TNRC18: variants seen among roughly 807,000 people sequenced by gnomAD.
The protein encoded by TNRC18 is trinucleotide repeat-containing gene 18 protein.
TNRC18 carries 69 observed loss-of-function variants against 226.7 expected under a neutral mutation model. The ratio of observed to expected loss-of-function variants is 0.30; its 90% confidence interval spans 0.25 to 0.37. The LOEUF is 0.37. Among genes scored for constraint, TNRC18 ranks in the 10% least tolerant of loss-of-function variants. The pLI, the probability that TNRC18 is intolerant of heterozygous loss-of-function variation, is 1.00. For missense variants in TNRC18, 4,754 were observed against 4,256.6 expected (o/e 1.12, Z -3.25); for synonymous variants, 2,449 against 1,927.6 (o/e 1.27, Z -7.09).
At chr7:5,316,216 G>A (rs1033798376) in intron 24 of TNRC18, 144 bp from the exon 25 acceptor site, 1 of 542,018 alleles carries the variant, frequency 1.8e-6, no homozygotes. Flanking sequence ...AGGGTATACA[G>A]CGGCTCAGAA....
chr7:5,389,332 A>G lies in TNRC18; in HGVS notation c.492T>C (p.Gly164=). The part of the protein sequence containing the change: ...TQKGQGPGGD[G]FYLPTAGAPG... ...GAGCCCCCGCGGTGGGCAGGTAGAAACCGTCTGCGGAGAAGGGAACAGCAG... is the reference window on the plus strand; with the variant it reads ...GAGCCCCCGCGGTGGGCAGGTAGAAGCCGTCTGCGGAGAAGGGAACAGCAG... The change falls in exon 5 of 30, where the codon GGT becomes GGC. Residue 164 remains glycine (G), a synonymous_variant. Transcript: ENST00000430969. 7.8e-7 allele frequency: 1 copy of G among 1,279,074 alleles called. No individual in the cohort carries two copies. The highest frequency in any genetic ancestry group is 9.9e-7 in the Non-Finnish European group (1 of 1,013,284). 79.2% of individuals were successfully genotyped at this position (1,279,074 alleles called of 1,614,324 possible). A position where few individuals can be genotyped will look rare whatever the true frequency, so the allele number is the denominator to read the frequency against.
chr7:5,420,070 G>A (rs961282847), intron 2 of TNRC18: 1 of 230,614 alleles, frequency 4.3e-6, no homozygotes, highest in African/African-American at 2.4e-5. Flanking sequence ...GTCCTGGGGC[G>A]GCCGCCGGGC....
At position 5,411,583 on chromosome 7, in the gene TNRC18, T is replaced by C. The variant is rs145223221; in HGVS notation, c.187+9477A>G. ...CCCAAATAGCACTCAAGTGTGAAGG[T>C]AGAACAAAAGCATTTTCCAGGCATA... On this transcript the variant is annotated intron_variant, in intron 2 of 29. Coordinates refer to ENST00000430969, the MANE Select transcript of TNRC18 (RefSeq NM_001080495.3). 7.7e-5 allele frequency among the ~76,000 whole-genome samples: 11 copies of C among 142,502 alleles called. No individual in the cohort carries two copies. The East Asian group carries it at 2.2e-3, about 29-fold the overall frequency. The allele number at this position is 142,502 out of a possible 152,430, so 93.5% of individuals were successfully genotyped here. A position where few individuals can be genotyped will look rare whatever the true frequency, so the allele number is the denominator to read the frequency against.
intron 16 of TNRC18, among the ~76,000 whole-genome samples, chr7:5,353,959 T>C (rs1392790390): frequency 1.3e-5 from 2 of 151,916 alleles, no homozygotes; most frequent in African/African-American, 2.4e-5. Flanking sequence ...TCCCAGCACT[T>C]TGGGAGGCCG....
chr7:5,315,178 A>C, intron 25 of TNRC18, 30 bp from the exon 26 acceptor site: 2 of 1,596,900 alleles, frequency 1.3e-6, no homozygotes, highest in Non-Finnish European at 8.5e-7. Context: ...GTGGCTCATC[A>C]GGCCTGGGGT....
Position 5,388,776 on chromosome 7 carries a change from C to CG in TNRC18, c.1047dup (p.Ala350ArgfsTer17). The CG allele has an allele frequency of 3.4e-6, 4 of 1,191,402 alleles. No homozygotes were observed. Among genetic ancestry groups the CG allele is most frequent in the East Asian group, 4.2e-5 (1 of 23,570 alleles). The allele number at this position is 1,191,402 out of a possible 1,614,324, so 73.8% of individuals were successfully genotyped here. ...GTGTAGACGCCGGCGGGGGTGGCCG[C>CG]GGGGGGTGCAGGAGGCCCCTTGGGG... is the stretch of plus-strand genomic sequence containing the variant. On this transcript the variant is annotated frameshift_variant, in exon 5 of 30. Coordinates refer to ENST00000430969, the MANE Select transcript of TNRC18 (RefSeq NM_001080495.3). LOFTEE classifies it high-confidence loss of function.
At chr7:5,341,512 C>T (rs1372008351) in intron 18 of TNRC18, among the ~76,000 whole-genome samples, 1 of 151,892 alleles carries the variant, frequency 6.6e-6, no homozygotes, top group African/African-American at 2.4e-5. Flanking sequence ...ACCTGTAATC[C>T]CAGCACTTTG....
chr7:5,360,472 C>T (rs1583908669), intron 14 of TNRC18, among the ~76,000 whole-genome samples: 2 of 152,070 alleles, frequency 1.3e-5, no homozygotes, highest in Admixed American at 6.6e-5. Flanking sequence ...TCAAGTGATC[C>T]GCCTGCCTCG....
Position 5,388,800 on chromosome 7 carries a change from G to A in TNRC18, c.1024C>T (p.Pro342Ser), listed in dbSNP as rs545967660. ...GCGGGGGGTGCAGGAGGCCCCTTGG[G>A]GGGCGCGGGCGGCGGGGGCAGCGGT... is the stretch of plus-strand genomic sequence containing the variant. ...PSPLPPPPAPPKGPPAPPAAT... is the reference protein window; with the variant it reads ...PSPLPPPPAPSKGPPAPPAAT... Residue 342 changes from proline (P) to serine (S), a missense_variant, in exon 5 of 30, where the codon CCC (proline) becomes TCC (serine). Transcript: ENST00000430969. 2.2e-3 allele frequency: 2,700 copies of A among 1,200,096 alleles called. 6 individuals are homozygous for A. The highest frequency in any genetic ancestry group is 9.9e-3 in the Middle Eastern group (29 of 2,936). 74.3% of individuals were successfully genotyped at this position (1,200,096 alleles called of 1,614,324 possible). A position where few individuals can be genotyped will look rare whatever the true frequency, so the allele number is the denominator to read the frequency against.
chr7:5,390,523 C>G lies in TNRC18; in HGVS notation c.449G>C (p.Ser150Thr), dbSNP rs983250932. The change falls in exon 4 of 30, where the codon AGC becomes ACC. Residue 150 changes from serine (S) to threonine (T), a missense_variant. Coordinates refer to ENST00000430969, the MANE Select transcript of TNRC18 (RefSeq NM_001080495.3). ...SPLLSQLGQP[S>T]IFDTQKGQGP... is the part of the protein sequence containing the mutation. ...CTGACCTTTCTGGGTATCGAAAATG[C>G]TGGGCTGACCCAGCTGGCTGAGGAG... 6.2e-6 allele frequency: 10 copies of G among 1,613,706 alleles called. No individual in the cohort carries two copies. The highest frequency in any genetic ancestry group is 8.5e-6 in the Non-Finnish European group (10 of 1,179,814).
intron 28 of TNRC18, 40 bp from the exon 29 acceptor site, chr7:5,308,989 G>A (rs770705047): frequency 2.5e-6 from 4 of 1,570,982 alleles, no homozygotes; most frequent in Non-Finnish European, 2.6e-6. Flanking sequence ...TGAGCCCGGG[G>A]GCTGCTGCAC....
intron 18 of TNRC18, among the ~76,000 whole-genome samples, chr7:5,336,604 T>C (rs1356498890): frequency 6.6e-6 from 1 of 152,058 alleles, no homozygotes; most frequent in Non-Finnish European, 1.5e-5. Context: ...TAGCCAGTCA[T>C]GGTGGCATGC....
chr7:5,363,254 G>C (rs1246656603), intron 11 of TNRC18, among the ~76,000 whole-genome samples: 4 of 151,630 alleles, frequency 2.6e-5, no homozygotes, highest in African/African-American at 2.4e-5. Context: ...AGTGAGCTGA[G>C]TTTGCACCAC....
chr7:5,392,362 C>A (rs1448508610), intron 3 of TNRC18, among the ~76,000 whole-genome samples: 1 of 152,156 alleles, frequency 6.6e-6, no homozygotes, highest in African/African-American at 2.4e-5. Flanking sequence ...CCTCAGGAGG[C>A]TGTGGCAGGA....
At chr7:5,370,309 C>T in intron 11 of TNRC18, 66 bp downstream of exon 11, 3 of 1,483,684 alleles carry the variant, frequency 2.0e-6, no homozygotes, top group Non-Finnish European at 2.7e-6. Context: ...GGCAACACAG[C>T]AAGACCCCAT....
Position 5,365,473 on chromosome 7 carries a change from G to GCCT in TNRC18, c.4220-2651_4220-2649dup, listed in dbSNP as rs1167163481. Among the ~76,000 whole-genome samples, 4 of 152,082 alleles carry GCCT rather than the reference G, an allele frequency of 2.6e-5. No individual in the cohort carries two copies. In the East Asian group the frequency reaches 7.8e-4, roughly 30 times the overall value. On this transcript the variant is annotated intron_variant, in intron 11 of 29. Transcript: ENST00000430969. Reference sequence around the variant, plus strand: ...AGCTGGGACACGTGTGACAGGAAGAGCCTCACCAGTGTGATGAATATGACC... The same window carrying GCCT: ...AGCTGGGACACGTGTGACAGGAAGAGCCTCCTCACCAGTGTGATGAATATGACC...
Position 5,308,043 on chromosome 7 carries a change from C to G in TNRC18, c.*63G>C. On this transcript the variant is annotated 3_prime_UTR_variant, in exon 30 of 30. Coordinates refer to ENST00000430969, the MANE Select transcript of TNRC18 (RefSeq NM_001080495.3). ...AACGCACGTGGTCTCCGCGCCATGGCAGTGATGGAGATGGGTCCCTGGCCG... is the reference window on the plus strand; with the variant it reads ...AACGCACGTGGTCTCCGCGCCATGGGAGTGATGGAGATGGGTCCCTGGCCG... 1.4e-6 allele frequency: 2 copies of G among 1,449,338 alleles called. No homozygotes were observed. Among genetic ancestry groups the G allele is most frequent in the South Asian group, 1.3e-5 (1 of 79,548 alleles). The allele number at this position is 1,449,338 out of a possible 1,614,324, so 89.8% of individuals were successfully genotyped here.
In TNRC18 at chr7:5,332,843, C is replaced by A. The variant is rs777483426; in HGVS notation, c.5926G>T (p.Gly1976Cys). 6.6e-7 allele frequency: 1 copy of A among 1,509,006 alleles called. No homozygotes were observed. The highest frequency in any genetic ancestry group is 1.2e-5 in the South Asian group (1 of 80,746). The allele number at this position is 1,509,006 out of a possible 1,614,324, so 93.5% of individuals were successfully genotyped here. Residue 1976 changes from glycine to cysteine, a missense_variant, in exon 19 of 30, where the codon GGC becomes TGC. By Grantham distance (159) the Gly-to-Cys change is radical. Coordinates refer to ENST00000430969, the MANE Select transcript of TNRC18 (RefSeq NM_001080495.3). ...GCCTCGAAGCCAGGCTCCTTGGGGC[C>A]CCGCAGCTTCCGGGCCTTGCGCCCC... ...EKGRKARKLR[G>C]PKEPGFEAGP...
chr7:5,310,948 TTG>T lies in TNRC18; in HGVS notation c.8388+1553_8388+1554del, dbSNP rs201305866. Among the ~76,000 whole-genome samples the T allele has an allele frequency of 9.2e-3, 1,390 of 151,780 alleles. 12 individuals are homozygous for T. The highest frequency in any genetic ancestry group is 0.026 in the African/African-American group (1,072 of 41,134). On this transcript the variant is annotated intron_variant, in intron 27 of 29. Coordinates refer to ENST00000430969, the MANE Select transcript of TNRC18 (RefSeq NM_001080495.3). ...TGCACGTGTTCGTGTGTGCACGTGT[TTG>T]TGTGTGTGCACGTGTACTCGTGTGC...
Sources: gnomAD v4.1 joint callset for allele counts (sites outside exome capture counted in the v4.1 genomes callset) on GRCh38, gnomAD v4.1.1 for gene constraint, MANE v1.5 for transcripts, NCBI Gene and HGNC (gene_info 2026-07-23, HGNC 2026-07-21) for gene names.